SOCS5: variants seen among roughly 807,000 people sequenced by gnomAD.
SOCS5 encodes CIS-6.
SOCS5 carries 32 observed loss-of-function variants against 42.8 expected under a neutral mutation model. That is an observed-to-expected ratio of 0.75 (90% CI 0.56 to 1.01). The LOEUF is 1.01. Ranked by LOEUF, SOCS5 falls within the 50% of genes least tolerant of loss-of-function variation. The pLI, the probability that SOCS5 is intolerant of heterozygous loss-of-function variation, is 0.00. For missense variants in SOCS5, 627 were observed against 653.0 expected, an observed-to-expected ratio of 0.96 and a Z score of 0.43; for synonymous variants, 283 against 229.6, an observed-to-expected ratio of 1.23 and a Z score of -2.10.
intron 1 of SOCS5, among the ~76,000 whole-genome samples, chr2:46,744,528 C>CT (rs796126248): frequency 0.016 from 2,369 of 144,710 alleles, 51 homozygotes; most frequent in African/African-American, 0.052. Flanking sequence ...ATAATAAAGA[C>CT]TTTTTTTTTT....
At chr2:46,738,473 A>G (rs1402029999) in intron 1 of SOCS5, among the ~76,000 whole-genome samples, 1 of 152,204 alleles carries the variant, frequency 6.6e-6, no homozygotes, top group Non-Finnish European at 1.5e-5. Flanking sequence ...ATCCTGGTAA[A>G]TAACATTTCA....
intron 1 of SOCS5, among the ~76,000 whole-genome samples, chr2:46,727,144 CTTTTTTT>C (rs759203329): frequency 3.5e-5 from 3 of 86,412 alleles, no homozygotes; most frequent in Non-Finnish European, 6.5e-5. Context: ...TTGGAGCCTT[CTTTTTTT>C]TTTTTTTTTT....
intron 1 of SOCS5, among the ~76,000 whole-genome samples, chr2:46,729,487 A>T (rs1673067770): frequency 6.6e-6 from 1 of 152,270 alleles, no homozygotes; most frequent in Admixed American, 6.5e-5. Flanking sequence ...CTCGTAGGCT[A>T]CAAACCTGTA....
chr2:46,709,350 TA>T (rs1344585856), intron 1 of SOCS5, among the ~76,000 whole-genome samples: 1 of 152,230 alleles, frequency 6.6e-6, no homozygotes, highest in East Asian at 1.9e-4. Context: ...AGGATGGAGT[TA>T]ATTTGTCATA....
Position 46,743,113 on chromosome 2 carries a change from T to A in SOCS5, c.-12-15406T>A, listed in dbSNP as rs115413975. ...AGAAAACTTGACTGTTAACTTTTTA[T>A]GAGTTTTTCATCTACTTCCTCCCTC... On this transcript the variant is annotated intron_variant, in intron 1 of 1. Coordinates refer to ENST00000394861, the MANE Select transcript of SOCS5 (RefSeq NM_144949.3). 7.8e-3 allele frequency among the ~76,000 whole-genome samples: 1,195 copies of A among 152,294 alleles called. 27 individuals carry two copies. The highest frequency in any genetic ancestry group is 0.027 in the African/African-American group (1,138 of 41,550).
At chr2:46,706,975 A>G (rs1007833943) in intron 1 of SOCS5, among the ~76,000 whole-genome samples, 4 of 152,246 alleles carry the variant, frequency 2.6e-5, no homozygotes, top group Admixed American at 6.5e-5. Flanking sequence ...GTGAGTAAGT[A>G]TATGTAAAAA....
chr2:46,706,863 ACTT>A (rs1376382715), intron 1 of SOCS5, among the ~76,000 whole-genome samples: 1 of 152,188 alleles, frequency 6.6e-6, no homozygotes, highest in Admixed American at 6.5e-5. Flanking sequence ...GAGTCACTGA[ACTT>A]CTTTGAACTT....
intron 1 of SOCS5, among the ~76,000 whole-genome samples, chr2:46,745,962 T>C (rs1420987256): frequency 6.6e-6 from 1 of 152,154 alleles, no homozygotes; most frequent in African/African-American, 2.4e-5. Context: ...TATTCCTAAA[T>C]TATAATACCG....
chr2:46,756,464 A>G (rs1356942139), intron 1 of SOCS5, among the ~76,000 whole-genome samples: 5 of 152,232 alleles, frequency 3.3e-5, no homozygotes, highest in African/African-American at 9.6e-5. Context: ...GATCCCTTCA[A>G]AAAACAGGCC....
At chr2:46,718,821 A>T (rs993191208) in intron 1 of SOCS5, among the ~76,000 whole-genome samples, 1 of 152,218 alleles carries the variant, frequency 6.6e-6, no homozygotes, top group Non-Finnish European at 1.5e-5. Flanking sequence ...AAAAGAATAA[A>T]GTATTGGCAA....
rs536514525 is a variant in SOCS5 at position 46,741,111 on chromosome 2, C to T, written c.-12-17408C>T. On this transcript the variant is annotated intron_variant, in intron 1 of 1. Transcript: ENST00000394861. ...AACCCACCATTTATTTGTGTCTCTT[C>T]CCTTCCTCACCGTTGCTTCATCTTT... is the stretch of plus-strand genomic sequence containing the variant. Among the ~76,000 whole-genome samples the T allele has an allele frequency of 9.3e-4, 142 of 152,208 alleles. 4 individuals are homozygous for T. The South Asian group carries it at 0.027, about 29-fold the overall frequency.
chr2:46,712,336 C>CTTTTTTTTTT (rs70940636), intron 1 of SOCS5, among the ~76,000 whole-genome samples: 4 of 64,954 alleles, frequency 6.2e-5, no homozygotes, highest in African/African-American at 6.6e-5. Context: ...GGATGTTTAG[C>CTTTTTTTTTT]TTTTTTTTTT....
In SOCS5 at chr2:46,758,914, T is replaced by A; in HGVS notation, c.384T>A (p.Cys128Ter). 4.3e-6 allele frequency: 7 copies of A among 1,614,032 alleles called. No individual in the cohort carries two copies. Among genetic ancestry groups the A allele is most frequent in the Non-Finnish European group, 5.9e-6 (7 of 1,179,896 alleles). The change falls in exon 2 of 2, where the codon TGT becomes TGA. Residue 128 changes from cysteine to a stop codon, truncating the protein, a stop_gained. Coordinates refer to ENST00000394861, the MANE Select transcript of SOCS5 (RefSeq NM_144949.3). LOFTEE classifies it high-confidence loss of function. Reference protein sequence around the residue: ...APWGGKKKHSCSTKTQSSLDA... With the variant: ...APWGGKKKHS ...GGGGTGGGAAGAAAAAACATTCCTG[T>A]TCTACAAAGACCCAGAGTTCATTGG...
chr2:46,716,542 A>G (rs1168635345), intron 1 of SOCS5, among the ~76,000 whole-genome samples: 1 of 152,046 alleles, frequency 6.6e-6, no homozygotes. Flanking sequence ...CAGTGGTGCA[A>G]ACATGGCGCA....
In SOCS5 at chr2:46,701,318, A is replaced by G. The variant is rs116161895; in HGVS notation, c.-13+1869A>G. ...GACTCACTGGCTGTGAAGTAGTAGT[A>G]ATAGCTAAACAGAATGAGAATGGGA... On this transcript the variant is annotated intron_variant, in intron 1 of 1. Coordinates refer to ENST00000394861, the MANE Select transcript of SOCS5 (RefSeq NM_144949.3). Among the ~76,000 whole-genome samples, 439 of 152,338 alleles carry G rather than the reference A, an allele frequency of 2.9e-3. 4 individuals carry two copies. The highest frequency in any genetic ancestry group is 9.9e-3 in the African/African-American group (411 of 41,572).
intron 1 of SOCS5, among the ~76,000 whole-genome samples, chr2:46,753,371 A>T (rs1398722846): frequency 6.6e-6 from 1 of 152,192 alleles, no homozygotes; most frequent in East Asian, 1.9e-4. Context: ...TATGATTGTT[A>T]AGGAAGGCTT....
rs1673876205 is a variant in SOCS5, at chr2:46,761,778, A to G, written c.*1637A>G. ...GCTAACTCTAAATTTAATGCTCTAC[A>G]TCTTATCAGTCATAATTATATATAC... On this transcript the variant is annotated 3_prime_UTR_variant, in exon 2 of 2. Transcript: ENST00000394861. 1.8e-5 allele frequency: 3 copies of G among 166,604 alleles called. No individual in the cohort carries two copies. Among genetic ancestry groups the G allele is most frequent in the South Asian group, 2.1e-4 (1 of 4,834 alleles). 10.3% of individuals were successfully genotyped at this position (166,604 alleles called of 1,614,324 possible). A position where few individuals can be genotyped will look rare whatever the true frequency, so the allele number is the denominator to read the frequency against.
intron 1 of SOCS5, among the ~76,000 whole-genome samples, chr2:46,709,364 G>A (rs781008583): frequency 6.6e-6 from 1 of 152,336 alleles, no homozygotes; most frequent in East Asian, 1.9e-4. Context: ...TTGTCATAAA[G>A]ATGAGGTGTC....
intron 1 of SOCS5, among the ~76,000 whole-genome samples, chr2:46,717,376 A>G (rs1038891753): frequency 6.6e-6 from 1 of 151,706 alleles, no homozygotes; most frequent in African/African-American, 2.4e-5. Flanking sequence ...TCGTGTGAAA[A>G]CTATTGTTTG....
Sources: allele counts gnomAD v4.1 joint callset (sites outside exome capture counted in the v4.1 genomes callset), GRCh38; gene constraint gnomAD v4.1.1; transcripts MANE v1.5; gene names NCBI Gene and HGNC (gene_info 2026-07-23, HGNC 2026-07-21).